GPALPP1: variants seen among roughly 807,000 people sequenced by gnomAD.
GPALPP1 encodes GPALPP motifs-containing protein 1.
Under a neutral mutation model 38.9 loss-of-function variants are expected in GPALPP1, and 30 were observed. The ratio of observed to expected loss-of-function variants is 0.77; its 90% CI spans 0.58 to 1.05. The LOEUF is 1.05. Among genes scored for constraint, GPALPP1 ranks in the 50% least tolerant of loss-of-function variants. GPALPP1 has a pLI of 0.00. For synonymous variants in GPALPP1, 120 were observed against 139.2 expected (o/e 0.86, Z 0.97); for missense variants, 384 against 408.8 (o/e 0.94, Z 0.52).
chr13:44,992,661 A>C (rs571168631), intron 1 of GPALPP1, among the ~76,000 whole-genome samples: 3 of 152,176 alleles, frequency 2.0e-5, no homozygotes, highest in Non-Finnish European at 4.4e-5. Context: ...ATAGGGATGA[A>C]AATTTTTTGC....
At chr13:44,990,781 T>C (rs1053779776) in intron 1 of GPALPP1, among the ~76,000 whole-genome samples, 5 of 152,190 alleles carry the variant, frequency 3.3e-5, no homozygotes, top group Non-Finnish European at 7.3e-5. Context: ...ATTTCTGTCA[T>C]AACCACTTTA....
chr13:45,031,348 CA>C (rs1209146586), downstream of GPALPP1: 1 of 151,976 alleles, frequency 6.6e-6, no homozygotes, highest in African/African-American at 2.4e-5. Flanking sequence ...AATTTTTTCC[CA>C]ATGAAAGGAA....
intron 1 of GPALPP1, among the ~76,000 whole-genome samples, chr13:45,003,959 TG>T (rs766246332): frequency 9.2e-5 from 14 of 152,096 alleles, no homozygotes; most frequent in Non-Finnish European, 1.8e-4. Flanking sequence ...TTTGTTTGTT[TG>T]TTTTTTTGTT....
chr13:44,990,829 CT>C (rs1872743730), intron 1 of GPALPP1, among the ~76,000 whole-genome samples: 1 of 152,210 alleles, frequency 6.6e-6, no homozygotes, highest in Non-Finnish European at 1.5e-5. Context: ...TGGCACAAGC[CT>C]GTAATCTCAG....
At chr13:45,019,449 C>G (rs1875225815) in intron 6 of GPALPP1, among the ~76,000 whole-genome samples, 1 of 151,742 alleles carries the variant, frequency 6.6e-6, no homozygotes, top group Non-Finnish European at 1.5e-5. Flanking sequence ...CGCCCGGCCT[C>G]TTGCTGCTAT....
At chr13:45,036,582 T>A (rs1876403554) in exon 8 of GPALPP1, 1 of 152,148 alleles carries the variant, frequency 6.6e-6, no homozygotes, top group Non-Finnish European at 1.5e-5. Flanking sequence ...AGCAACTGAG[T>A]TTACTTTTAG....
intron 1 of GPALPP1, among the ~76,000 whole-genome samples, chr13:44,996,720 T>A (rs1004194934): frequency 6.6e-6 from 1 of 150,706 alleles, no homozygotes; most frequent in Non-Finnish European, 1.5e-5. Context: ...TGGGCTCAAG[T>A]GATCCATCTG....
chr13:45,008,799 A>T lies in GPALPP1; in HGVS notation c.328A>T (p.Ile110Leu), dbSNP rs201143423. Reference protein sequence around the residue: ...KKQDDSPPRPIIGPALPPGFI... With the variant: ...KKQDDSPPRPLIGPALPPGFI... ...AAAGTACATTTTATTTTTCAGGCCC[A>T]TAATAGGTCCTGCATTGCCACCTGG... The change falls in exon 4 of 8, where the codon ATA becomes TTA. Residue 110 changes from isoleucine to leucine, a missense_variant. Physicochemically the swap from Ile to Leu is conservative, Grantham distance 5. Coordinates refer to ENST00000379151, the MANE Select transcript of GPALPP1 (RefSeq NM_018559.5). The T allele has an allele frequency of 8.4e-6, 13 of 1,538,994 alleles. No individual in the cohort carries two copies. The East Asian group carries it at 2.7e-4, about 32-fold the overall frequency.
At chr13:45,018,753 A>G (rs1034778158) in intron 6 of GPALPP1, among the ~76,000 whole-genome samples, 3 of 151,750 alleles carry the variant, frequency 2.0e-5, no homozygotes, top group Admixed American at 2.0e-4. Context: ...CCCCATTCCA[A>G]TTTGGGAGCA....
chr13:44,990,669 G>A (rs1426509081), intron 1 of GPALPP1, among the ~76,000 whole-genome samples: 1 of 152,200 alleles, frequency 6.6e-6, no homozygotes, highest in Non-Finnish European at 1.5e-5. Flanking sequence ...CCCAGTTGGA[G>A]AAGAGTAAAG....
intron 6 of GPALPP1, among the ~76,000 whole-genome samples, chr13:45,020,042 G>C (rs1484027368): frequency 6.6e-6 from 1 of 151,728 alleles, no homozygotes; most frequent in African/African-American, 2.4e-5. Flanking sequence ...CCGCCACCAT[G>C]CCCAGCTTTT....
intron 1 of GPALPP1, 97 bp from the exon 2 acceptor site, chr13:45,004,208 G>A (rs915708062): frequency 7.8e-6 from 7 of 892,774 alleles, no homozygotes; most frequent in Admixed American, 2.3e-5. Context: ...TAGACAGCCA[G>A]TGCTGTTTAT....
At chr13:45,023,687 T>A (rs1201345974) in intron 7 of GPALPP1, among the ~76,000 whole-genome samples, 2 of 152,156 alleles carry the variant, frequency 1.3e-5, no homozygotes, top group African/African-American at 2.4e-5. Flanking sequence ...CGCTTCCAAC[T>A]CTTGTTAGCC....
chr13:45,032,401 C>G (rs567433406), downstream of GPALPP1, among the ~76,000 whole-genome samples: 6 of 151,912 alleles, frequency 3.9e-5, no homozygotes, highest in African/African-American at 1.4e-4. Flanking sequence ...TTGAATGATT[C>G]TTTGTTTTGT....
intron 1 of GPALPP1, among the ~76,000 whole-genome samples, chr13:44,995,167 T>TAAACACACACAC (rs1873159144): frequency 4.5e-5 from 1 of 22,408 alleles, no homozygotes; most frequent in Non-Finnish European, 1.6e-4. Flanking sequence ...CCCCTATCTT[T>TAAACACACACAC]AAACACACAC....
chr13:45,020,469 C>T, intron 7 of GPALPP1, 41 bp downstream of exon 7: 1 of 821,786 alleles, frequency 1.2e-6, no homozygotes, highest in Non-Finnish European at 2.1e-6. Flanking sequence ...GGTGTGATGG[C>T]TCTTGCCTAT....
rs760220485 is a variant in GPALPP1, at chr13:44,994,320, C to T, written c.88+4578C>T. On this transcript the variant is annotated intron_variant, in intron 1 of 7. Coordinates refer to ENST00000379151, the MANE Select transcript of GPALPP1 (RefSeq NM_018559.5). ...TCTCGCGGCCGGGCACGGTGGCTCA[C>T]GCCTGTAATCCCAGCACTTTGGGAG... 4.0e-5 allele frequency among the ~76,000 whole-genome samples: 6 copies of T among 151,838 alleles called. No individual in the cohort carries two copies. In the East Asian group the frequency reaches 5.8e-4, roughly 15 times the overall value.
At chr13:45,001,516 T>G (rs1873672204) in intron 1 of GPALPP1, among the ~76,000 whole-genome samples, 2 of 152,076 alleles carry the variant, frequency 1.3e-5, no homozygotes, top group African/African-American at 4.8e-5. Flanking sequence ...CTTCCCAGCC[T>G]TCTCCATATT....
At chr13:45,027,639 G>T in intron 7 of GPALPP1, 146 bp from the exon 8 acceptor site, 1 of 516,262 alleles carries the variant, frequency 1.9e-6, no homozygotes, top group Non-Finnish European at 3.4e-6. Flanking sequence ...ATGCTGTCTT[G>T]GATTTGGAAA....
Sources: gnomAD v4.1 joint callset for allele counts (sites outside exome capture counted in the v4.1 genomes callset) on GRCh38, gnomAD v4.1.1 for gene constraint, MANE v1.5 for transcripts, NCBI Gene and HGNC (gene_info 2026-07-23, HGNC 2026-07-21) for gene names.